MACROD2: variants seen among roughly 807,000 people sequenced by gnomAD.
MACROD2 encodes the protein ADP-ribose glycohydrolase MACROD2.
In MACROD2, 36 loss-of-function variants were observed where a neutral mutation model predicts 70.4. The ratio of observed to expected loss-of-function variants is 0.51; its 90% CI spans 0.39 to 0.68. The LOEUF (loss-of-function observed/expected upper bound fraction) is 0.68. Among genes scored for constraint, MACROD2 ranks in the 30% least tolerant of loss-of-function variants. The probability of loss-of-function intolerance (pLI) is 0.00; values close to 1 mark genes in which losing one functional copy is unlikely to be tolerated. For missense variants in MACROD2, 496 were observed against 538.4 expected, an observed-to-expected ratio of 0.92 and a Z score of 0.78; for synonymous variants, 172 against 178.8, an observed-to-expected ratio of 0.96 and a Z score of 0.30.
At chr20:15,906,232 G>A (rs1008837791) in intron 10 of MACROD2, among the ~76,000 whole-genome samples, 14 of 152,210 alleles carry the variant, frequency 9.2e-5, no homozygotes, top group Non-Finnish European at 1.3e-4. Context: ...ATCCAAAAAC[G>A]CAGATTCCTG....
At chr20:14,596,444 G>T (rs1982152387) in intron 4 of MACROD2, among the ~76,000 whole-genome samples, 1 of 140,394 alleles carries the variant, frequency 7.1e-6, no homozygotes, top group Admixed American at 7.0e-5. Context: ...TGCTTTTTCT[G>T]AAGGAATGAG....
Position 15,865,917 on chromosome 20 carries a change from G to T in MACROD2, c.727+3091G>T, listed in dbSNP as rs1159544683. 2.6e-5 allele frequency among the ~76,000 whole-genome samples: 4 copies of T among 152,278 alleles called. No individual in the cohort carries two copies. The East Asian group carries it at 7.7e-4, about 29-fold the overall frequency. On this transcript the variant is annotated intron_variant, in intron 9 of 17. Transcript: ENST00000684519. ...TTGGCTAGTTTAAAGAAAACACTCAGGAAGCAGGAACTTACTTCGATGATT... is the reference window on the plus strand; with the variant it reads ...TTGGCTAGTTTAAAGAAAACACTCATGAAGCAGGAACTTACTTCGATGATT...
chr20:14,086,908 C>G (rs772600693), intron 3 of MACROD2, among the ~76,000 whole-genome samples: 2 of 152,048 alleles, frequency 1.3e-5, no homozygotes, highest in Admixed American at 6.6e-5. Context: ...ATACAGAGTT[C>G]AGGTGAGTTT....
chr20:15,999,579 C>T (rs997823768), intron 15 of MACROD2, among the ~76,000 whole-genome samples: 1 of 151,972 alleles, frequency 6.6e-6, no homozygotes, highest in Admixed American at 6.5e-5. Flanking sequence ...ATTAAAGTCC[C>T]CTACTATTAT....
chr20:15,949,101 C>T (rs1012300), intron 12 of MACROD2, among the ~76,000 whole-genome samples: 77,912 of 152,072 alleles, frequency 0.51, 24,071 homozygotes, highest in Non-Finnish European at 0.69. Flanking sequence ...TTCAAATTCA[C>T]ATCACCATTG....
In MACROD2 at chr20:14,341,472, T is replaced by C. The variant is rs2083012179; in HGVS notation, c.272-152007T>C. ...GGTTAACGTGGTGAAACCCCGTTTC[T>C]AGTAAAAATACAAAAAGTTAGCCGG... On this transcript the variant is annotated intron_variant, in intron 3 of 17. Transcript: ENST00000684519. Among the ~76,000 whole-genome samples, 4 of 152,270 alleles carry C rather than the reference T, an allele frequency of 2.6e-5. No individual in the cohort carries two copies. In the South Asian group the frequency reaches 8.3e-4, roughly 32 times the overall value.
Position 14,616,452 on chromosome 20 carries a change from T to C in MACROD2, c.302-68391T>C, listed in dbSNP as rs144489941. On this transcript the variant is annotated intron_variant, in intron 4 of 17. Transcript: ENST00000684519. ...TGTAGTCATAGGATTCAATTCAAAT[T>C]CTCTTTAAATGAATTTTGGTGAATA... 5.0e-3 allele frequency among the ~76,000 whole-genome samples: 765 copies of C among 152,232 alleles called. 7 individuals carry two copies. Among genetic ancestry groups the C allele is most frequent in the African/African-American group, 0.017 (713 of 41,566 alleles).
chr20:14,284,211 T>A (rs1253769798), intron 3 of MACROD2, among the ~76,000 whole-genome samples: 3 of 152,230 alleles, frequency 2.0e-5, no homozygotes, highest in Non-Finnish European at 1.5e-5. Context: ...GCACTGTGCT[T>A]TCTTAAAAGA....
intron 4 of MACROD2, among the ~76,000 whole-genome samples, chr20:14,558,297 A>G (rs1979188173): frequency 6.6e-6 from 1 of 151,780 alleles, no homozygotes; most frequent in African/African-American, 2.4e-5. Context: ...GTCTATGAAC[A>G]TACAAAAACC....
intron 4 of MACROD2, among the ~76,000 whole-genome samples, chr20:14,538,784 C>G (rs2085397972): frequency 6.6e-6 from 1 of 152,210 alleles, no homozygotes; most frequent in Non-Finnish European, 1.5e-5. Context: ...CCGCCCCCCT[C>G]TCTTACTCTA....
At chr20:14,827,593 T>G (rs1187419151) in intron 5 of MACROD2, among the ~76,000 whole-genome samples, 2 of 152,058 alleles carry the variant, frequency 1.3e-5, no homozygotes, top group African/African-American at 4.8e-5. Context: ...AGTTTGAAAT[T>G]TTCTTTTGAT....
In MACROD2 at chr20:14,839,877, A is replaced by G. The variant is rs561644814; in HGVS notation, c.418+154918A>G. Among the ~76,000 whole-genome samples the G allele has an allele frequency of 9.2e-5, 14 of 152,190 alleles. No homozygotes were observed. The East Asian group carries it at 2.7e-3, about 29-fold the overall frequency. ...CAATATTCTACTGCTGAATCTTTAA[A>G]CTACCAGACACCTTTTGCTCTCCAT... is the stretch of plus-strand genomic sequence containing the variant. On this transcript the variant is annotated intron_variant, in intron 5 of 17. Coordinates refer to ENST00000684519, the MANE Select transcript of MACROD2 (RefSeq NM_001351661.2).
intron 4 of MACROD2, among the ~76,000 whole-genome samples, chr20:14,514,989 G>C (rs1424969789): frequency 6.6e-6 from 1 of 152,016 alleles, no homozygotes; most frequent in Admixed American, 6.6e-5. Context: ...AGTGTAGGCT[G>C]TCATTAAATT....
At chr20:15,123,285 G>A (rs1375101682) in intron 5 of MACROD2, among the ~76,000 whole-genome samples, 1 of 152,114 alleles carries the variant, frequency 6.6e-6, no homozygotes, top group Non-Finnish European at 1.5e-5. Flanking sequence ...ACTAAGGGTA[G>A]CAAAGAGACC....
chr20:15,696,381 C>T (rs1025686975), intron 8 of MACROD2, among the ~76,000 whole-genome samples: 1 of 152,180 alleles, frequency 6.6e-6, no homozygotes, highest in African/African-American at 2.4e-5. Flanking sequence ...TCCCTGCATT[C>T]CTGGTATGAA....
In MACROD2 at chr20:15,775,703, C is replaced by T. The variant is rs970961999; in HGVS notation, c.646-87042C>T. ...GGCAAATGAAAGAATGGGACATTTTCGGGGCGAGGGGAAGGTCAGCGAATT... is the reference window on the plus strand; with the variant it reads ...GGCAAATGAAAGAATGGGACATTTTTGGGGCGAGGGGAAGGTCAGCGAATT... On this transcript the variant is annotated intron_variant, in intron 8 of 17. Transcript: ENST00000684519. Among the ~76,000 whole-genome samples the T allele has an allele frequency of 8.6e-5, 13 of 152,012 alleles. 1 individual carries two copies. Among genetic ancestry groups the T allele is most frequent in the African/African-American group, 2.4e-4 (10 of 41,418 alleles).
chr20:14,926,890 A>G (rs1211154168), intron 5 of MACROD2, among the ~76,000 whole-genome samples: 3 of 152,150 alleles, frequency 2.0e-5, no homozygotes, highest in African/African-American at 7.2e-5. Flanking sequence ...TGCTTCAATA[A>G]ATAAAATTAA....
intron 7 of MACROD2, among the ~76,000 whole-genome samples, chr20:15,436,628 C>T (rs1156766837): frequency 6.6e-6 from 1 of 152,158 alleles, no homozygotes; most frequent in Admixed American, 6.5e-5. Flanking sequence ...TCAGTCCTTG[C>T]TTCTTTCCCA....
At chr20:14,734,351 A>G (rs2071632980) in intron 5 of MACROD2, among the ~76,000 whole-genome samples, 1 of 152,046 alleles carries the variant, frequency 6.6e-6, no homozygotes. Context: ...ACGAAAAAAA[A>G]TTAGCCACGT....
Sources: allele counts gnomAD v4.1 joint callset (sites outside exome capture counted in the v4.1 genomes callset), GRCh38; gene constraint gnomAD v4.1.1; transcripts MANE v1.5; gene names NCBI Gene and HGNC (gene_info 2026-07-23, HGNC 2026-07-21).